Variants in TGFBR3 observed in about 807,000 individuals in gnomAD.
TGFBR3 encodes the protein transforming growth factor beta receptor type 3.
Under a neutral mutation model 87.9 loss-of-function variants are expected in TGFBR3, and 46 were observed. The ratio of observed to expected loss-of-function variants is 0.52; its 90% CI spans 0.41 to 0.67. The LOEUF (loss-of-function observed/expected upper bound fraction) is 0.67. Among genes scored for constraint, TGFBR3 ranks in the 30% least tolerant of loss-of-function variants. The pLI is 0.00. For synonymous variants in TGFBR3, 381 were observed against 391.6 expected (o/e 0.97, Z 0.32); for missense variants, 866 against 1,041.9 (o/e 0.83, Z 2.32).
intron 2 of TGFBR3, among the ~76,000 whole-genome samples, chr1:91,816,650 G>A (rs368716542): frequency 9.2e-5 from 14 of 152,212 alleles, no homozygotes; most frequent in Middle Eastern, 3.4e-3. Flanking sequence ...TAGAAACTGC[G>A]TGGTTCCCAT....
chr1:91,686,526 T>G (rs1671095075), intron 16 of TGFBR3, among the ~76,000 whole-genome samples: 1 of 152,208 alleles, frequency 6.6e-6, no homozygotes, highest in South Asian at 2.1e-4. Context: ...CCTTTCCAGT[T>G]CTGTGGCTAT....
chr1:91,799,090 C>G (rs1170372946), intron 2 of TGFBR3, among the ~76,000 whole-genome samples: 2 of 152,184 alleles, frequency 1.3e-5, no homozygotes, highest in Admixed American at 1.3e-4. Flanking sequence ...TGAATGTACT[C>G]CAGTTTGTTC....
chr1:91,689,841 A>T (rs796279134), intron 16 of TGFBR3, among the ~76,000 whole-genome samples: 12 of 30,992 alleles, frequency 3.9e-4, no homozygotes, highest in African/African-American at 2.6e-3. Flanking sequence ...GAAACTGATT[A>T]AAAAAAAAAA....
chr1:91,760,837 T>C (rs1571482763), intron 3 of TGFBR3, among the ~76,000 whole-genome samples: 1 of 152,210 alleles, frequency 6.6e-6, no homozygotes, highest in Non-Finnish European at 1.5e-5. Context: ...GAAGAAGAGA[T>C]GCTATAGAAA....
intron 2 of TGFBR3, among the ~76,000 whole-genome samples, chr1:91,842,258 C>T (rs187311610): frequency 1.7e-4 from 26 of 151,958 alleles, no homozygotes; most frequent in Non-Finnish European, 1.0e-4. Context: ...AGAAGTGCTA[C>T]GAGGAAAAAC....
chr1:91,855,130 G>A (rs1443706272), intron 2 of TGFBR3, among the ~76,000 whole-genome samples: 1 of 152,160 alleles, frequency 6.6e-6, no homozygotes, highest in Non-Finnish European at 1.5e-5. Context: ...AAAGCATCTC[G>A]ATTTTCCTGT....
At chr1:91,743,516 A>T (rs1226665688) in intron 4 of TGFBR3, among the ~76,000 whole-genome samples, 1 of 152,098 alleles carries the variant, frequency 6.6e-6, no homozygotes, top group Non-Finnish European at 1.5e-5. Flanking sequence ...ATTTTCCCAA[A>T]CTCACTTTAC....
At chr1:91,792,472 T>C (rs1370061120) in intron 3 of TGFBR3, among the ~76,000 whole-genome samples, 2 of 152,230 alleles carry the variant, frequency 1.3e-5, no homozygotes, top group Non-Finnish European at 1.5e-5. Flanking sequence ...ATATCTTTTC[T>C]ACACATATGT....
At chr1:91,881,337 C>A (rs1457848625) in intron 1 of TGFBR3, among the ~76,000 whole-genome samples, 1 of 152,172 alleles carries the variant, frequency 6.6e-6, no homozygotes, top group East Asian at 1.9e-4. Context: ...AAGTCACAAC[C>A]AAGTTTGCAT....
rs750948208 is a variant in TGFBR3 at position 91,727,714 on chromosome 1, T to G, written c.830A>C (p.Lys277Thr). ...AGATTTGATCACCCAGTTGACAGAC[T>G]TTTTGCACTTCAAGATCAGGATGAG... is the stretch of plus-strand genomic sequence containing the variant. ...KNLILILKCK[K>T]SVNWVIKSFD... is the part of the protein sequence containing the mutation. Residue 277 changes from lysine (K) to threonine (T), a missense_variant, in exon 7 of 17, where the codon AAG becomes ACG. Lys to Thr is a moderately conservative substitution (Grantham distance 78). Transcript: ENST00000212355. 6.2e-7 allele frequency: 1 copy of G among 1,614,140 alleles called. No homozygotes were observed. Among genetic ancestry groups the G allele is most frequent in the Non-Finnish European group, 8.5e-7 (1 of 1,180,018 alleles).
At chr1:91,847,793 G>A (rs189397692) in intron 2 of TGFBR3, among the ~76,000 whole-genome samples, 30 of 151,940 alleles carry the variant, frequency 2.0e-4, no homozygotes, top group African/African-American at 6.0e-4. Flanking sequence ...TCTCATTACC[G>A]AAGAGTCCCT....
At chr1:91,895,605 G>A (rs1679537186) in intron 2 of TGFBR3, among the ~76,000 whole-genome samples, 1 of 152,104 alleles carries the variant, frequency 6.6e-6, no homozygotes, top group African/African-American at 2.4e-5. Context: ...TAAAGTGTGA[G>A]CCACCACACA....
chr1:91,802,402 C>T (rs1160209379), intron 2 of TGFBR3, among the ~76,000 whole-genome samples: 2 of 151,358 alleles, frequency 1.3e-5, no homozygotes, highest in East Asian at 3.9e-4. Flanking sequence ...GCTCTGTCGT[C>T]CAGGCGAGAG....
At chr1:91,827,456 C>T (rs951624048) in intron 2 of TGFBR3, among the ~76,000 whole-genome samples, 13 of 152,148 alleles carry the variant, frequency 8.5e-5, no homozygotes, top group African/African-American at 1.2e-4. Flanking sequence ...GTTTCAATTT[C>T]CTGCTCCAAA....
intron 3 of TGFBR3, among the ~76,000 whole-genome samples, chr1:91,781,034 G>A (rs1674750900): frequency 6.6e-6 from 1 of 152,020 alleles, no homozygotes; most frequent in Non-Finnish European, 1.5e-5. Flanking sequence ...CACACAACAA[G>A]GAGGAATGCC....
intron 2 of TGFBR3, among the ~76,000 whole-genome samples, chr1:91,843,084 T>G (rs530202604): frequency 1.3e-5 from 2 of 152,310 alleles, no homozygotes; most frequent in South Asian, 2.1e-4. Context: ...GATCTAATTT[T>G]TGTACCAAAA....
intron 2 of TGFBR3, chr1:91,800,978 G>T: frequency 4.6e-6 from 1 of 216,842 alleles, no homozygotes; most frequent in Non-Finnish European, 9.7e-6. Context: ...TAGTACTCAG[G>T]AGGCTGAGGC....
intron 3 of TGFBR3, among the ~76,000 whole-genome samples, chr1:91,795,747 A>G (rs1294915765): frequency 6.6e-6 from 1 of 151,924 alleles, no homozygotes; most frequent in Non-Finnish European, 1.5e-5. Flanking sequence ...TCTCACCACA[A>G]ACTCTCCCCC....
At chr1:91,778,090 A>C (rs1476421774) in intron 3 of TGFBR3, among the ~76,000 whole-genome samples, 1 of 152,082 alleles carries the variant, frequency 6.6e-6, no homozygotes, top group Non-Finnish European at 1.5e-5. Flanking sequence ...AATGAAACTC[A>C]AAAGCATTTT....
Sources: allele counts gnomAD v4.1 joint callset (sites outside exome capture counted in the v4.1 genomes callset), GRCh38; gene constraint gnomAD v4.1.1; transcripts MANE v1.5; gene names NCBI Gene and HGNC (gene_info 2026-07-23, HGNC 2026-07-21).